Variants in ZC3H8 observed in about 807,000 individuals in gnomAD.
ZC3H8 encodes the protein zinc finger CCCH domain-containing protein 8.
ZC3H8 carries 27 observed loss-of-function variants against 42.5 expected under a neutral mutation model. The ratio of observed to expected loss-of-function variants is 0.64; its 90% CI spans 0.47 to 0.88. ZC3H8 has a LOEUF of 0.88. ZC3H8 is among the 40% of genes least tolerant of loss of function. The pLI is 0.00. For missense variants in ZC3H8, 277 were observed against 336.1 expected, an observed-to-expected ratio of 0.82 and a Z score of 1.37; for synonymous variants, 101 against 110.1, an observed-to-expected ratio of 0.92 and a Z score of 0.52.
intron 1 of ZC3H8, among the ~76,000 whole-genome samples, chr2:112,251,232 A>G (rs920867746): frequency 2.0e-5 from 3 of 152,242 alleles, no homozygotes; most frequent in Admixed American, 6.5e-5. Flanking sequence ...CATGTTACAA[A>G]GGGAAAGCAC....
At chr2:112,238,953 C>G in intron 2 of ZC3H8, among the ~76,000 whole-genome samples, 1 of 152,220 alleles carries the variant, frequency 6.6e-6, no homozygotes, top group East Asian at 1.9e-4. Context: ...TTGTAAAACA[C>G]CCCAAGTAAA....
At position 112,236,697 on chromosome 2, in the gene ZC3H8, TA is replaced by T. The variant is rs1394196650; in HGVS notation, c.371-3del. ...GATTTTTATTTTTTTGTTTAGCAGC[TA>T]AAAACAAAAAATTAATTTAAAAAAT... On this transcript the variant is annotated splice_region_variant and splice_polypyrimidine_tract_variant and intron_variant, in intron 3 of 8. Coordinates refer to ENST00000409573, the MANE Select transcript of ZC3H8 (RefSeq NM_032494.3). 1 of 1,600,326 alleles carries T rather than the reference TA, an allele frequency of 6.2e-7. No homozygotes were observed. The highest frequency in any genetic ancestry group is 8.5e-7 in the Non-Finnish European group (1 of 1,173,924).
chr2:112,242,402 T>C (rs1412268973), intron 2 of ZC3H8, among the ~76,000 whole-genome samples: 2 of 152,246 alleles, frequency 1.3e-5, no homozygotes, highest in African/African-American at 2.4e-5. Context: ...GCCTGCTTCT[T>C]TGCTACAACA....
At chr2:112,241,446 C>A (rs537062160) in intron 2 of ZC3H8, among the ~76,000 whole-genome samples, 7 of 152,146 alleles carry the variant, frequency 4.6e-5, no homozygotes, top group East Asian at 1.9e-4. Context: ...GAGACCCCCC[C>A]CTCAAGGGCC....
In ZC3H8 at chr2:112,216,153, C is replaced by T. The variant is rs1028843918; in HGVS notation, c.*331G>A. On this transcript the variant is annotated 3_prime_UTR_variant, in exon 9 of 9. Transcript: ENST00000409573. ...CCCTCACTCAGCCTAACCTTGCTTC[C>T]GATTTTATTAAGGAAATCCAATCAA... The T allele has an allele frequency of 3.3e-5, 5 of 152,190 alleles. No homozygotes were observed. The highest frequency in any genetic ancestry group is 7.2e-5 in the African/African-American group (3 of 41,436). 9.4% of individuals were successfully genotyped at this position (152,190 alleles called of 1,614,324 possible). A position where few individuals can be genotyped will look rare whatever the true frequency, so the allele number is the denominator to read the frequency against.
chr2:112,254,056 GTT>G, intron 1 of ZC3H8: 1 of 938,732 alleles, frequency 1.1e-6, no homozygotes, highest in Non-Finnish European at 1.3e-6. Context: ...TTCTCTTTAA[GTT>G]TGTTTTGAGG....
rs1226147763 is a variant in ZC3H8, at chr2:112,236,574, G to C, written c.492C>G (p.Gly164=). The change falls in exon 4 of 9, where the codon GGC becomes GGG. Residue 164 remains glycine, a synonymous_variant. Coordinates refer to ENST00000409573, the MANE Select transcript of ZC3H8 (RefSeq NM_032494.3). ...KGSNALLRNS[G]SQEEDGKPKE... is the part of the protein sequence containing the mutation. ...TATATTCCAATACCTCTTCCTGTGA[G>C]CCGCTGTTCCTCAGCAAAGCATTTG... is the stretch of plus-strand genomic sequence containing the variant. 6.2e-6 allele frequency: 10 copies of C among 1,613,436 alleles called. No homozygotes were observed. The highest frequency in any genetic ancestry group is 8.5e-6 in the Non-Finnish European group (10 of 1,179,780).
intron 6 of ZC3H8, 56 bp downstream of exon 6, chr2:112,233,204 T>C (rs751854093): frequency 3.7e-5 from 47 of 1,274,086 alleles, no homozygotes; most frequent in Admixed American, 3.1e-4. Context: ...ATTTTGCACA[T>C]TTAAAATGTT....
chr2:112,252,495 A>T (rs1685985035), intron 1 of ZC3H8, among the ~76,000 whole-genome samples: 1 of 152,156 alleles, frequency 6.6e-6, no homozygotes, highest in African/African-American at 2.4e-5. Context: ...GACCCTGCTA[A>T]AATATTTCAA....
At chr2:112,247,022 G>A (rs1368897242) in intron 2 of ZC3H8, among the ~76,000 whole-genome samples, 2 of 152,266 alleles carry the variant, frequency 1.3e-5, no homozygotes, top group East Asian at 3.9e-4. Flanking sequence ...AAGATGACTC[G>A]CTGACTGTTA....
At chr2:112,232,036 C>T (rs1164781932) in intron 6 of ZC3H8, 89 bp from the exon 7 acceptor site, 5 of 745,218 alleles carry the variant, frequency 6.7e-6, no homozygotes, top group Non-Finnish European at 9.9e-6. Context: ...AAATAAAGAC[C>T]TCTGTGGCCG....
At chr2:112,231,737 C>T (rs1685100125) in intron 7 of ZC3H8, 101 bp downstream of exon 7, 2 of 599,328 alleles carry the variant, frequency 3.3e-6, no homozygotes, top group Non-Finnish European at 5.5e-6. Flanking sequence ...CATATGCTAA[C>T]CTAAGAGGCA....
intron 1 of ZC3H8, 101 bp from the exon 2 acceptor site, chr2:112,250,373 C>G (rs750958392): frequency 9.6e-5 from 69 of 716,316 alleles, no homozygotes; most frequent in Admixed American, 1.6e-4. Context: ...TCAACTTACC[C>G]TCAAAGAAAT....
At chr2:112,251,638 C>T (rs1043715503) in intron 1 of ZC3H8, among the ~76,000 whole-genome samples, 2 of 152,206 alleles carry the variant, frequency 1.3e-5, no homozygotes, top group African/African-American at 4.8e-5. Flanking sequence ...TTATGACATA[C>T]ATACTAAAAG....
intron 8 of ZC3H8, among the ~76,000 whole-genome samples, chr2:112,228,134 C>T (rs989852032): frequency 2.6e-5 from 4 of 152,244 alleles, no homozygotes; most frequent in African/African-American, 9.6e-5. Flanking sequence ...AGAAATAAAT[C>T]CATACATTTA....
At chr2:112,231,732 G>A (rs1234617665) in intron 7 of ZC3H8, 106 bp downstream of exon 7, 1 of 550,122 alleles carries the variant, frequency 1.8e-6, no homozygotes, top group Non-Finnish European at 3.0e-6. Flanking sequence ...TATCCCATAT[G>A]CTAACCTAAG....
chr2:112,249,560 C>T (rs1285004597), intron 2 of ZC3H8, among the ~76,000 whole-genome samples: 4 of 152,212 alleles, frequency 2.6e-5, no homozygotes, highest in Admixed American at 2.6e-4. Flanking sequence ...TCTTCTGCCT[C>T]AGCCTCCCTA....
intron 1 of ZC3H8, 31 bp downstream of exon 1, chr2:112,254,877 G>A: frequency 6.2e-7 from 1 of 1,609,064 alleles, no homozygotes; most frequent in Non-Finnish European, 8.5e-7. Flanking sequence ...CTGAGCCCCT[G>A]CATTCAAAAG....
At chr2:112,236,914 G>C (rs975198290) in intron 3 of ZC3H8, among the ~76,000 whole-genome samples, 12 of 152,068 alleles carry the variant, frequency 7.9e-5, no homozygotes, top group Admixed American at 2.0e-4. Flanking sequence ...AACATAGCTG[G>C]GTGTGGTGGT....
Sources: gnomAD v4.1 joint callset for allele counts (sites outside exome capture counted in the v4.1 genomes callset) on GRCh38, gnomAD v4.1.1 for gene constraint, MANE v1.5 for transcripts, NCBI Gene and HGNC (gene_info 2026-07-23, HGNC 2026-07-21) for gene names.